GBF1: variants seen among roughly 807,000 people sequenced by gnomAD.
GBF1 encodes golgi brefeldin A resistant guanine nucleotide exchange factor 1.
GBF1 carries 114 observed loss-of-function variants against 210.5 expected under a neutral mutation model. The observed-to-expected ratio is 0.54, with a 90% CI of 0.47 to 0.63. The LOEUF is 0.63. Ranked by LOEUF, GBF1 falls within the 30% of genes least tolerant of loss-of-function variation. GBF1 has a pLI of 0.00. For synonymous variants in GBF1, 850 were observed against 889.2 expected, an observed-to-expected ratio of 0.96 and a Z score of 0.78; for missense variants, 1,851 against 2,357.7, an observed-to-expected ratio of 0.79 and a Z score of 4.45.
chr10:102,325,342 A>G (rs939145472), intron 3 of GBF1, among the ~76,000 whole-genome samples: 4 of 152,112 alleles, frequency 2.6e-5, no homozygotes, highest in African/African-American at 9.7e-5. Context: ...TGAGGTCAGG[A>G]GTTCAAGACC....
intron 8 of GBF1, among the ~76,000 whole-genome samples, chr10:102,356,817 G>A (rs1272222823): frequency 5.4e-5 from 8 of 147,906 alleles, no homozygotes; most frequent in Admixed American, 4.7e-4. Flanking sequence ...TTTGAACTTA[G>A]AATGGAGGAA....
chr10:102,230,945 C>T, the GBF1 span: 1 of 1,608,170 alleles, frequency 6.2e-7, no homozygotes, highest in South Asian at 1.1e-5. Context: ...GGGGCAAGAG[C>T]CTTGGGCGGC....
In GBF1 at chr10:102,332,945, T is replaced by G. The variant is rs1009244002; in HGVS notation, c.164-11106T>G. Among the ~76,000 whole-genome samples, 4 of 152,270 alleles carry G rather than the reference T, an allele frequency of 2.6e-5. No individual in the cohort carries two copies. In the East Asian group the frequency reaches 7.7e-4, roughly 29 times the overall value. On this transcript the variant is annotated intron_variant, in intron 3 of 39. Transcript: ENST00000369983. The stretch of plus-strand genomic sequence containing the variant: ...TGAGAAAAGAGCCACTGTGAAGAGC[T>G]TAGACAAACAAACAGGACTTGCCTT...
chr10:102,291,782 A>G (rs1414639278), intron 3 of GBF1, among the ~76,000 whole-genome samples: 4 of 152,042 alleles, frequency 2.6e-5, no homozygotes, highest in Non-Finnish European at 5.9e-5. Flanking sequence ...AGCATCTGTC[A>G]TTCTCCTTAC....
chr10:102,351,740 C>G (rs1305633371), intron 5 of GBF1, 103 bp from the exon 6 acceptor site: 1 of 715,558 alleles, frequency 1.4e-6, no homozygotes. Flanking sequence ...GACCTCTCTA[C>G]CAAGCTGAGG....
At chr10:102,305,271 G>A (rs2133891587) in intron 3 of GBF1, among the ~76,000 whole-genome samples, 1 of 150,032 alleles carries the variant, frequency 6.7e-6, no homozygotes, top group South Asian at 2.1e-4. Context: ...ATATTAAGAG[G>A]TACCACTGTA....
At chr10:102,336,873 T>C (rs2057783359) in intron 3 of GBF1, among the ~76,000 whole-genome samples, 1 of 152,202 alleles carries the variant, frequency 6.6e-6, no homozygotes, top group East Asian at 1.9e-4. Flanking sequence ...TTGTAGGGTA[T>C]GGTTTAATCT....
At chr10:102,351,813 A>T (rs2297759) in intron 5 of GBF1, 30 bp from the exon 6 acceptor site, 1 of 1,266,982 alleles carries the variant, frequency 7.9e-7, no homozygotes, top group Non-Finnish European at 1.2e-6. Context: ...TACCTTGTTT[A>T]TCACAGTAAT....
chr10:102,300,679 G>A (rs2077263594), intron 3 of GBF1, among the ~76,000 whole-genome samples: 1 of 152,296 alleles, frequency 6.6e-6, no homozygotes, highest in South Asian at 2.1e-4. Flanking sequence ...CCTGGTACAG[G>A]GCATTGGTTT....
chr10:102,275,985 C>T (rs1198963200), intron 3 of GBF1, among the ~76,000 whole-genome samples: 4 of 152,160 alleles, frequency 2.6e-5, no homozygotes, highest in Non-Finnish European at 4.4e-5. Flanking sequence ...GCCTGTAATC[C>T]CAGCACTTTG....
At chr10:102,254,222 T>TA (rs1168170646) in intron 1 of GBF1, among the ~76,000 whole-genome samples, 1 of 152,134 alleles carries the variant, frequency 6.6e-6, no homozygotes, top group Non-Finnish European at 1.5e-5. Flanking sequence ...ACTTCTCCCT[T>TA]ATGCTGAGTT....
chr10:102,242,488 G>A (rs1261800641), upstream of GBF1, among the ~76,000 whole-genome samples: 1 of 152,200 alleles, frequency 6.6e-6, no homozygotes, highest in African/African-American at 2.4e-5. Flanking sequence ...GTGCCTGCTG[G>A]TTAGGAATTT....
intron 39 of GBF1, 118 bp from the exon 40 acceptor site, chr10:102,381,938 C>T (rs1051486463): frequency 7.7e-5 from 58 of 757,628 alleles, no homozygotes; most frequent in African/African-American, 6.8e-4. Context: ...GGTGGGGGGC[C>T]GTGTTGCTTA....
intron 3 of GBF1, among the ~76,000 whole-genome samples, chr10:102,301,024 C>A (rs1030308922): frequency 7.4e-6 from 1 of 135,184 alleles, no homozygotes; most frequent in African/African-American, 2.8e-5. Context: ...GGGTGTTTCT[C>A]GCAGAGGGGG....
At chr10:102,266,107 C>A (rs1460398634) in intron 3 of GBF1, among the ~76,000 whole-genome samples, 2 of 152,098 alleles carry the variant, frequency 1.3e-5, no homozygotes, top group Non-Finnish European at 2.9e-5. Context: ...GGCATGGTGG[C>A]AGGCGCCTGT....
At chr10:102,357,361 C>T (rs548983969) in intron 8 of GBF1, among the ~76,000 whole-genome samples, 1 of 152,126 alleles carries the variant, frequency 6.6e-6, no homozygotes, top group African/African-American at 2.4e-5. Flanking sequence ...GTGGTCCACA[C>T]CTGTAATCCC....
intron 3 of GBF1, among the ~76,000 whole-genome samples, chr10:102,273,382 C>T (rs1026172157): frequency 3.3e-4 from 50 of 152,164 alleles, no homozygotes; most frequent in African/African-American, 1.1e-3. Flanking sequence ...ATCAGTGTAT[C>T]ATACTTAAGA....
At chr10:102,271,750 C>T (rs1262081996) in intron 3 of GBF1, among the ~76,000 whole-genome samples, 2 of 151,880 alleles carry the variant, frequency 1.3e-5, no homozygotes, top group Non-Finnish European at 2.9e-5. Flanking sequence ...TTATTATTAT[C>T]ATCATTACCA....
chr10:102,377,238 T>G lies in GBF1; in HGVS notation c.4494+98T>G, dbSNP rs888408166. 21 of 905,416 alleles carry G rather than the reference T, an allele frequency of 2.3e-5. No homozygotes were observed. The Admixed American group carries it at 3.7e-4, about 16-fold the overall frequency. 56.1% of individuals were successfully genotyped at this position (905,416 alleles called of 1,614,324 possible). A position where few individuals can be genotyped will look rare whatever the true frequency, so the allele number is the denominator to read the frequency against. ...CCAGGGCTGAGGGGAAGGGCCCATG[T>G]GTGCCAGCCCAGGCCCTGGACCACC... On this transcript the variant is annotated intron_variant, in intron 33 of 39. Coordinates refer to ENST00000369983, the MANE Select transcript of GBF1 (RefSeq NM_001377137.1).
Sources: gnomAD v4.1 joint callset for allele counts (sites outside exome capture counted in the v4.1 genomes callset) on GRCh38, gnomAD v4.1.1 for gene constraint, MANE v1.5 for transcripts, NCBI Gene and HGNC (gene_info 2026-07-23, HGNC 2026-07-21) for gene names.